The following MACROD2 variants were observed in gnomAD, a reference collection of about 807,000 sequenced individuals.
The protein encoded by MACROD2 is ADP-ribose glycohydrolase MACROD2.
Under a neutral mutation model 70.4 loss-of-function variants are expected in MACROD2, and 36 were observed. The ratio of observed to expected loss-of-function variants is 0.51; its 90% CI spans 0.39 to 0.68. MACROD2 has a LOEUF of 0.68. Among genes scored for constraint, MACROD2 ranks in the 30% least tolerant of loss-of-function variants. The probability of loss-of-function intolerance (pLI) is 0.00; values close to 1 mark genes in which losing one functional copy is unlikely to be tolerated. For missense variants in MACROD2, 496 were observed against 538.4 expected (o/e 0.92, Z 0.78); for synonymous variants, 172 against 178.8 (o/e 0.96, Z 0.30).
Position 15,869,236 on chromosome 20 carries a change from T to TAGAGAGAG in MACROD2, c.727+6411_727+6412insGAGAGAGA, listed in dbSNP as rs1423223643. ...ATATATATATATATATATATATATA[T>TAGAGAGAG]ATAGAGAGAGAGAGAGAGAGAGAGA... On this transcript the variant is annotated intron_variant, in intron 9 of 17. Transcript: ENST00000684519. Among the ~76,000 whole-genome samples the TAGAGAGAG allele has an allele frequency of 6.7e-3, 225 of 33,430 alleles. 1 individual carries two copies. Among genetic ancestry groups the TAGAGAGAG allele is most frequent in the Middle Eastern group, 0.024 (1 of 42 alleles). 21.9% of individuals were successfully genotyped at this position (33,430 alleles called of 152,430 possible).
intron 7 of MACROD2, among the ~76,000 whole-genome samples, chr20:15,495,642 T>TCA (rs2047287193): frequency 6.6e-6 from 1 of 152,238 alleles, no homozygotes; most frequent in South Asian, 2.1e-4. Context: ...CACCTAGTTA[T>TCA]TGATCATTCT....
intron 8 of MACROD2, among the ~76,000 whole-genome samples, chr20:15,649,318 C>G (rs191998106): frequency 6.6e-6 from 1 of 151,114 alleles, no homozygotes; most frequent in Admixed American, 6.6e-5. Context: ...CACATACTGA[C>G]TTGTATTCAA....
intron 4 of MACROD2, among the ~76,000 whole-genome samples, chr20:14,644,568 G>A (rs1467333763): frequency 6.6e-6 from 1 of 151,392 alleles, no homozygotes; most frequent in Admixed American, 6.6e-5. Context: ...ATTGCAATTT[G>A]CCAAAACTCT....
Position 15,898,687 on chromosome 20 carries a change from G to T in MACROD2, c.775+12876G>T, listed in dbSNP as rs175783. Among the ~76,000 whole-genome samples the T allele has an allele frequency of 2.3e-3, 356 of 151,642 alleles. 5 individuals carry two copies. The highest frequency in any genetic ancestry group is 8.0e-3 in the African/African-American group (330 of 41,386). On this transcript the variant is annotated intron_variant, in intron 10 of 17. Coordinates refer to ENST00000684519, the MANE Select transcript of MACROD2 (RefSeq NM_001351661.2). The stretch of plus-strand genomic sequence containing the variant: ...TGCACGCTCAAACTTGAGAACTGTT[G>T]TTCTTGAGTCTAGGTTACCTGGGGT...
chr20:14,982,440 C>G (rs560977188), intron 5 of MACROD2, among the ~76,000 whole-genome samples: 2 of 152,200 alleles, frequency 1.3e-5, no homozygotes, highest in South Asian at 4.2e-4. Flanking sequence ...ATGTCAGAGA[C>G]CTTTGTGGCA....
intron 5 of MACROD2, among the ~76,000 whole-genome samples, chr20:14,918,355 T>A (rs1179308839): frequency 6.6e-6 from 1 of 152,020 alleles, no homozygotes; most frequent in Non-Finnish European, 1.5e-5. Context: ...AAGTTAATGA[T>A]CCAGAAGAGA....
At chr20:14,902,305 A>G (rs933101380) in intron 5 of MACROD2, among the ~76,000 whole-genome samples, 6 of 152,220 alleles carry the variant, frequency 3.9e-5, no homozygotes, top group Admixed American at 3.9e-4. Flanking sequence ...TTTCCTCTTC[A>G]TTTATTCTAA....
At chr20:14,677,153 G>A (rs1423418263) in intron 4 of MACROD2, among the ~76,000 whole-genome samples, 8 of 152,042 alleles carry the variant, frequency 5.3e-5, no homozygotes, top group Non-Finnish European at 1.2e-4. Flanking sequence ...CCTGAGGAAT[G>A]CCAGAGAGGC....
At chr20:15,937,602 C>T in intron 12 of MACROD2, 58 bp downstream of exon 12, 3 of 1,503,852 alleles carry the variant, frequency 2.0e-6, no homozygotes, top group Non-Finnish European at 2.8e-6. Context: ...ACTGTTTGGG[C>T]TTGTTTACAT....
chr20:15,154,713 T>C (rs1010447315), intron 5 of MACROD2, among the ~76,000 whole-genome samples: 1 of 152,150 alleles, frequency 6.6e-6, no homozygotes. Context: ...CTAAGCCCAT[T>C]CATAAGGGCT....
chr20:15,043,771 A>AT (rs2075372507), intron 5 of MACROD2, among the ~76,000 whole-genome samples: 1 of 152,144 alleles, frequency 6.6e-6, no homozygotes, highest in Non-Finnish European at 1.5e-5. Flanking sequence ...CAACCAGCTG[A>AT]TCAGAGGTTC....
chr20:14,479,230 A>G (rs1018969365), intron 3 of MACROD2, among the ~76,000 whole-genome samples: 2 of 152,116 alleles, frequency 1.3e-5, no homozygotes, highest in East Asian at 1.9e-4. Flanking sequence ...CTCCCCAGCC[A>G]TCAGTGTCCC....
chr20:14,461,535 A>T (rs1276742276), intron 3 of MACROD2, among the ~76,000 whole-genome samples: 1 of 151,546 alleles, frequency 6.6e-6, no homozygotes. Flanking sequence ...GTTTTAGGAT[A>T]CATGTCCACA....
At chr20:15,437,379 C>T (rs758878109) in intron 7 of MACROD2, among the ~76,000 whole-genome samples, 1 of 152,126 alleles carries the variant, frequency 6.6e-6, no homozygotes, top group Non-Finnish European at 1.5e-5. Flanking sequence ...CTGAAACTTA[C>T]TCCTTAACAC....
chr20:14,051,170 T>C (rs190154904), intron 2 of MACROD2, among the ~76,000 whole-genome samples: 19 of 152,264 alleles, frequency 1.2e-4, no homozygotes, highest in African/African-American at 4.6e-4. Flanking sequence ...GAAACACTAA[T>C]AATGGTTACC....
At chr20:15,805,784 G>A (rs533369697) in intron 8 of MACROD2, among the ~76,000 whole-genome samples, 6 of 152,242 alleles carry the variant, frequency 3.9e-5, no homozygotes, top group South Asian at 4.1e-4. Flanking sequence ...CCAAAAATAC[G>A]GAATGTTTCT....
intron 3 of MACROD2, among the ~76,000 whole-genome samples, chr20:14,143,313 A>G (rs999368991): frequency 6.6e-6 from 1 of 152,202 alleles, no homozygotes; most frequent in African/African-American, 2.4e-5. Context: ...ACTTTAGAAA[A>G]GAGACTTATT....
chr20:14,857,441 T>A (rs544281368), intron 5 of MACROD2, among the ~76,000 whole-genome samples: 39 of 152,322 alleles, frequency 2.6e-4, no homozygotes, highest in African/African-American at 9.4e-4. Context: ...TGCTGCATTT[T>A]AAAACACCCT....
intron 8 of MACROD2, among the ~76,000 whole-genome samples, chr20:15,563,565 A>C (rs1425298257): frequency 6.6e-6 from 1 of 152,222 alleles, no homozygotes. Flanking sequence ...TTTGGCACTA[A>C]AACTATTAAA....
Sources: allele counts gnomAD v4.1 joint callset (sites outside exome capture counted in the v4.1 genomes callset), GRCh38; gene constraint gnomAD v4.1.1; transcripts MANE v1.5; gene names NCBI Gene and HGNC (gene_info 2026-07-23, HGNC 2026-07-21).